PALD1: variants seen among roughly 807,000 people sequenced by gnomAD.
The protein encoded by PALD1 is paladin.
In PALD1, 57 loss-of-function variants were observed where a neutral mutation model predicts 96.0. The observed-to-expected ratio is 0.59, with a 90% CI of 0.48 to 0.74. The LOEUF (loss-of-function observed/expected upper bound fraction) is 0.74. Among genes scored for constraint, PALD1 ranks in the 30% least tolerant of loss-of-function variants. PALD1 has a pLI of 0.00. For synonymous variants in PALD1, 464 were observed against 473.6 expected, an observed-to-expected ratio of 0.98 and a Z score of 0.26; for missense variants, 1,063 against 1,143.7, an observed-to-expected ratio of 0.93 and a Z score of 1.02.
chr10:70,472,252 C>G, the PALD1 span, among the ~76,000 whole-genome samples: 7 of 152,078 alleles, frequency 4.6e-5, no homozygotes, highest in African/African-American at 1.7e-4. Context: ...GGCAACAGAT[C>G]TGAGTTATTT....
rs756655618 is a variant in PALD1 at position 70,533,084 on chromosome 10, G to A, written c.870+14G>A. The A allele has an allele frequency of 4.7e-5, 73 of 1,562,506 alleles. No homozygotes were observed. Among genetic ancestry groups the A allele is most frequent in the Middle Eastern group, 1.7e-4 (1 of 6,016 alleles). On this transcript the variant is annotated intron_variant, in intron 7 of 19. Coordinates refer to ENST00000263563, the MANE Select transcript of PALD1 (RefSeq NM_014431.3). ...AGTGTTCTCCGGGTAACTGGGGCACGGGCGCGCATGGGGGAGGAGTCTTGA... is the reference window on the plus strand; with the variant it reads ...AGTGTTCTCCGGGTAACTGGGGCACAGGCGCGCATGGGGGAGGAGTCTTGA...
intron 1 of PALD1, among the ~76,000 whole-genome samples, chr10:70,496,076 A>G (rs2132281017): frequency 7.2e-6 from 1 of 138,178 alleles, no homozygotes; most frequent in South Asian, 2.4e-4. Context: ...ACCAACAAAG[A>G]AAATTTTAAA....
intron 18 of PALD1, among the ~76,000 whole-genome samples, chr10:70,558,820 GGCAAGTTA>G (rs1348017096): frequency 2.6e-5 from 4 of 152,212 alleles, no homozygotes; most frequent in African/African-American, 9.6e-5. Context: ...GGGTGCAGTG[GGCAAGTTA>G]GCAAGAGAAG....
At chr10:70,514,989 A>G (rs1452443144) in intron 1 of PALD1, among the ~76,000 whole-genome samples, 2 of 152,202 alleles carry the variant, frequency 1.3e-5, no homozygotes, top group African/African-American at 2.4e-5. Context: ...AAGAAAATAA[A>G]TATCACCCTG....
chr10:70,541,768 C>A (rs1446238578), intron 17 of PALD1, among the ~76,000 whole-genome samples: 1 of 152,220 alleles, frequency 6.6e-6, no homozygotes, highest in Non-Finnish European at 1.5e-5. Context: ...GGACCCCTCC[C>A]TGCCCGGCCT....
chr10:70,508,457 T>C (rs1391119846), intron 1 of PALD1, among the ~76,000 whole-genome samples: 1 of 152,184 alleles, frequency 6.6e-6, no homozygotes, highest in Non-Finnish European at 1.5e-5. Context: ...CCCAGCGTGC[T>C]CCTGGACTGC....
At chr10:70,482,112 G>T (rs1039117122) in intron 1 of PALD1, among the ~76,000 whole-genome samples, 18 of 152,224 alleles carry the variant, frequency 1.2e-4, no homozygotes, top group Non-Finnish European at 1.9e-4. Flanking sequence ...CAGCAGCCAG[G>T]TGCATGGCCC....
At chr10:70,518,122 C>T (rs1846654201) in intron 1 of PALD1, among the ~76,000 whole-genome samples, 1 of 151,808 alleles carries the variant, frequency 6.6e-6, no homozygotes, top group Non-Finnish European at 1.5e-5. Context: ...AGGCTGGTCT[C>T]GAACTCCCAA....
At chr10:70,485,246 A>G (rs1845999818) in intron 1 of PALD1, 1 of 152,322 alleles carries the variant, frequency 6.6e-6, no homozygotes, top group African/African-American at 2.4e-5. Context: ...CTTCCTAGAA[A>G]TAATATACAA....
At chr10:70,486,724 GCACCCCA>G (rs1384746026) in intron 1 of PALD1, among the ~76,000 whole-genome samples, 2 of 152,136 alleles carry the variant, frequency 1.3e-5, no homozygotes, top group Non-Finnish European at 2.9e-5. Context: ...TTGCGCCACT[GCACCCCA>G]GCCTGGGCAA....
chr10:70,500,644 G>A (rs765853820), intron 1 of PALD1, among the ~76,000 whole-genome samples: 22 of 152,222 alleles, frequency 1.4e-4, no homozygotes, highest in East Asian at 1.2e-3. Flanking sequence ...AACGTCTTCC[G>A]CCACTGTGCA....
chr10:70,554,900 GCCTCC>G (rs1847560723), intron 18 of PALD1, among the ~76,000 whole-genome samples: 1 of 75,990 alleles, frequency 1.3e-5, no homozygotes, highest in African/African-American at 5.3e-5. Flanking sequence ...TGCTTTTTGA[GCCTCC>G]CCTCCCCTCT....
chr10:70,481,057 C>T (rs1845922705), intron 1 of PALD1, among the ~76,000 whole-genome samples: 1 of 152,228 alleles, frequency 6.6e-6, no homozygotes, highest in Non-Finnish European at 1.5e-5. Flanking sequence ...AATCTCCCCA[C>T]ATGGGAGGCA....
intron 18 of PALD1, among the ~76,000 whole-genome samples, chr10:70,557,074 G>A (rs1212855645): frequency 1.3e-5 from 2 of 152,220 alleles, no homozygotes; most frequent in East Asian, 3.8e-4. Flanking sequence ...AGGACAGAGC[G>A]TTCTTCTGCA....
the PALD1 span, among the ~76,000 whole-genome samples, chr10:70,462,603 A>G: frequency 6.6e-6 from 1 of 152,252 alleles, no homozygotes; most frequent in Non-Finnish European, 1.5e-5. Flanking sequence ...ACACATATGC[A>G]GGAACAACAC....
the PALD1 span, among the ~76,000 whole-genome samples, chr10:70,462,943 T>TG: frequency 1.3e-5 from 2 of 152,226 alleles, no homozygotes; most frequent in East Asian, 3.9e-4. Context: ...CCACTCACTC[T>TG]GGGCATTCCC....
Position 70,566,703 on chromosome 10 carries a change from C to T in PALD1, c.2541C>T (p.Leu847=), listed in dbSNP as rs142830240. The T allele has an allele frequency of 6.6e-4, 1,052 of 1,604,714 alleles. No individual in the cohort carries two copies. Among genetic ancestry groups the T allele is most frequent in the Non-Finnish European group, 8.4e-4 (986 of 1,177,150 alleles). ...RYRWQEQSCS[L]EPSAPEDLL is the part of the protein sequence containing the mutation. Reference sequence around the variant, plus strand: ...GGTGGCAGGAGCAGAGCTGCAGCCTCGAGCCCTCTGCCCCCGAGGACTTGC... The same window carrying T: ...GGTGGCAGGAGCAGAGCTGCAGCCTTGAGCCCTCTGCCCCCGAGGACTTGC... Residue 847 remains leucine, a synonymous_variant, in exon 20 of 20, where the codon CTC becomes CTT. Transcript: ENST00000263563.
chr10:70,565,431 C>G (rs1294874377), intron 19 of PALD1, among the ~76,000 whole-genome samples: 1 of 152,226 alleles, frequency 6.6e-6, no homozygotes, highest in Non-Finnish European at 1.5e-5. Context: ...AAGCTGGCCC[C>G]TCCAGACCTC....
intron 2 of PALD1, among the ~76,000 whole-genome samples, chr10:70,528,341 G>C (rs1211212317): frequency 6.6e-6 from 1 of 152,198 alleles, no homozygotes; most frequent in Non-Finnish European, 1.5e-5. Flanking sequence ...GGTTTTGTTT[G>C]AAATAGCCCT....
Sources: gnomAD v4.1 joint callset for allele counts (sites outside exome capture counted in the v4.1 genomes callset) on GRCh38, gnomAD v4.1.1 for gene constraint, MANE v1.5 for transcripts, NCBI Gene and HGNC (gene_info 2026-07-23, HGNC 2026-07-21) for gene names.